Variants in PKIA observed in about 807,000 individuals in gnomAD.
PKIA encodes the protein cAMP-dependent protein kinase inhibitor alpha, also known as PKI-alpha.
In PKIA, 4 loss-of-function variants were observed where a neutral mutation model predicts 7.6. The ratio of observed to expected loss-of-function variants is 0.52; its 90% confidence interval spans 0.26 to 1.20. The LOEUF (loss-of-function observed/expected upper bound fraction) is 1.20, where lower values mean the gene tolerates loss of function less well. PKIA is among the 50% of genes most tolerant of loss of function. PKIA has a pLI of 0.13. For missense variants in PKIA, 73 were observed against 86.2 expected, an observed-to-expected ratio of 0.85 and a Z score of 0.61; for synonymous variants, 21 against 30.7, an observed-to-expected ratio of 0.68 and a Z score of 1.04.
chr8:78,577,424 T>C (rs1807699687), intron 2 of PKIA, among the ~76,000 whole-genome samples: 1 of 151,624 alleles, frequency 6.6e-6, no homozygotes, highest in Non-Finnish European at 1.5e-5. Flanking sequence ...CAAAATAATC[T>C]ATGAAACAAA....
chr8:78,523,961 AATATATAAACATTTATATTTATAAAT>A (rs1261513556), intron 1 of PKIA, among the ~76,000 whole-genome samples: 2 of 107,156 alleles, frequency 1.9e-5, no homozygotes, highest in African/African-American at 8.9e-5. Flanking sequence ...TTTATATATA[AATATATAAACATTTATATTTATAAAT>A]ATATATAAAC....
chr8:78,592,919 A>T (rs1808136172), intron 2 of PKIA, among the ~76,000 whole-genome samples: 1 of 152,232 alleles, frequency 6.6e-6, no homozygotes, highest in Non-Finnish European at 1.5e-5. Context: ...TGGCAAAAAA[A>T]CAGGGACCTT....
chr8:78,517,326 C>T (rs1006097701), intron 1 of PKIA, among the ~76,000 whole-genome samples: 2 of 152,204 alleles, frequency 1.3e-5, no homozygotes, highest in African/African-American at 4.8e-5. Context: ...GCTGTAGTCA[C>T]TGTGGCTACT....
chr8:78,550,461 G>A (rs548160384), intron 1 of PKIA, among the ~76,000 whole-genome samples: 417 of 152,102 alleles, frequency 2.7e-3, no homozygotes, highest in South Asian at 4.4e-3. Flanking sequence ...AGGGTGGTTA[G>A]AGGCCTAGGG....
chr8:78,551,085 A>C (rs1443901252), intron 1 of PKIA, among the ~76,000 whole-genome samples: 1 of 150,612 alleles, frequency 6.6e-6, no homozygotes, highest in Non-Finnish European at 1.5e-5. Flanking sequence ...CCCTCACCTC[A>C]TAGTAATTCA....
At chr8:78,549,810 C>T (rs892386241) in intron 1 of PKIA, among the ~76,000 whole-genome samples, 14 of 150,948 alleles carry the variant, frequency 9.3e-5, no homozygotes, top group African/African-American at 3.4e-4. Flanking sequence ...AAACAAAGGT[C>T]CATTTTGTGC....
At chr8:78,519,336 G>T (rs548589862) in intron 1 of PKIA, among the ~76,000 whole-genome samples, 1 of 152,140 alleles carries the variant, frequency 6.6e-6, no homozygotes, top group Non-Finnish European at 1.5e-5. Flanking sequence ...AAGATTTGAG[G>T]CTGAGGCAGG....
At chr8:78,553,228 G>A (rs138001236) in intron 1 of PKIA, among the ~76,000 whole-genome samples, 87 of 151,980 alleles carry the variant, frequency 5.7e-4, no homozygotes, top group African/African-American at 1.9e-3. Flanking sequence ...CAAATCTGGT[G>A]CATGTGGGCT....
chr8:78,588,699 C>T (rs7834119), intron 2 of PKIA, among the ~76,000 whole-genome samples: 37,509 of 151,770 alleles, frequency 0.25, 5,492 homozygotes, highest in African/African-American at 0.41. Flanking sequence ...AGAAAACAGT[C>T]CTCCTAAGTT....
chr8:78,553,925 T>G (rs1807056711), intron 1 of PKIA, among the ~76,000 whole-genome samples: 1 of 151,906 alleles, frequency 6.6e-6, no homozygotes, highest in African/African-American at 2.4e-5. Flanking sequence ...AATGTTAAGT[T>G]TAAACAGGCA....
At chr8:78,531,636 C>CTTTAGT (rs1806387595) in intron 1 of PKIA, among the ~76,000 whole-genome samples, 1 of 152,076 alleles carries the variant, frequency 6.6e-6, no homozygotes, top group Non-Finnish European at 1.5e-5. Context: ...TACCTGTAGT[C>CTTTAGT]ACACAGCTAA....
chr8:78,568,993 G>A (rs955583730), intron 1 of PKIA, among the ~76,000 whole-genome samples: 14 of 151,640 alleles, frequency 9.2e-5, no homozygotes, highest in Admixed American at 2.0e-4. Context: ...CACCCCACCC[G>A]TCAGGAAGGA....
At chr8:78,546,322 T>C (rs1195424810) in intron 1 of PKIA, among the ~76,000 whole-genome samples, 1 of 146,986 alleles carries the variant, frequency 6.8e-6, no homozygotes, top group African/African-American at 2.7e-5. Context: ...GACCATATAG[T>C]TAAGAAGGAA....
At chr8:78,528,545 C>T (rs1251249894) in intron 1 of PKIA, among the ~76,000 whole-genome samples, 1 of 151,532 alleles carries the variant, frequency 6.6e-6, no homozygotes, top group Non-Finnish European at 1.5e-5. Context: ...TAATCTGGGA[C>T]TGGGTGCAGT....
At chr8:78,578,214 T>C (rs1807722330) in intron 2 of PKIA, among the ~76,000 whole-genome samples, 1 of 152,034 alleles carries the variant, frequency 6.6e-6, no homozygotes, top group Admixed American at 6.6e-5. Context: ...ATGTAAACTT[T>C]ATTCTGATTC....
chr8:78,546,733 T>G (rs1806834411), intron 1 of PKIA, among the ~76,000 whole-genome samples: 1 of 152,222 alleles, frequency 6.6e-6, no homozygotes, highest in African/African-American at 2.4e-5. Flanking sequence ...TGTTGATTCT[T>G]GTAACCCGTT....
intron 3 of PKIA, among the ~76,000 whole-genome samples, chr8:78,599,962 T>A (rs922763998): frequency 6.7e-6 from 1 of 149,912 alleles, no homozygotes; most frequent in African/African-American, 2.4e-5. Context: ...AAATAATAAA[T>A]TAAAATGTAA....
rs1808379762 is a variant in PKIA at position 78,602,708 on chromosome 8, TA to T, written c.*888del. On this transcript the variant is annotated 3_prime_UTR_variant, in exon 4 of 4. Transcript: ENST00000396418. ...TTCTCCCACATAATATATATATATA[TA>T]TATATTTTAATTTATGAGAATTTTG... 6.7e-6 allele frequency: 1 copy of T among 148,686 alleles called. No individual in the cohort carries two copies. Among genetic ancestry groups the T allele is most frequent in the African/African-American group, 2.5e-5 (1 of 40,680 alleles). The allele number at this position is 148,686 out of a possible 1,614,324, so 9.2% of individuals were successfully genotyped here.
chr8:78,587,199 T>C (rs966271714), intron 2 of PKIA, among the ~76,000 whole-genome samples: 2 of 152,182 alleles, frequency 1.3e-5, no homozygotes, highest in African/African-American at 4.8e-5. Context: ...AAGTCATAGA[T>C]TAATGAGAGG....
Sources: allele counts gnomAD v4.1 joint callset (sites outside exome capture counted in the v4.1 genomes callset), GRCh38; gene constraint gnomAD v4.1.1; transcripts MANE v1.5; gene names NCBI Gene and HGNC (gene_info 2026-07-23, HGNC 2026-07-21).